Variants in CDKL5 observed in about 807,000 individuals in gnomAD.
CDKL5 encodes cyclin dependent kinase like 5.
CDKL5 carries 8 observed loss-of-function variants against 61.7 expected under a neutral mutation model. That is an observed-to-expected ratio of 0.13 (90% CI 0.08 to 0.23). The LOEUF is 0.23. Among genes scored for constraint, CDKL5 ranks in the 10% least tolerant of loss-of-function variants. The probability of loss-of-function intolerance (pLI) is 1.00; values close to 1 mark genes in which losing one functional copy is unlikely to be tolerated. For missense variants in CDKL5, 440 were observed against 734.5 expected (o/e 0.60, Z 4.63); for synonymous variants, 275 against 272.3 (o/e 1.01, Z -0.10).
At chrX:18,445,525 T>G (rs1327803399) in intron 1 of CDKL5, among the ~76,000 whole-genome samples, 1 of 112,144 alleles carries the variant, frequency 8.9e-6, no homozygotes, top group East Asian at 2.8e-4. Context: ...TTCAGGCAAC[T>G]GATAATACTT....
In CDKL5 at chrX:18,587,529, C is replaced by T. The variant is rs1414678957; in HGVS notation, c.555-425C>T. ...TCAGTACATAGTAAATTTTAATAGA[C>T]TGAACTCATAAAATGGATAAGATGT... On this transcript the variant is annotated intron_variant, in intron 8 of 17. Transcript: ENST00000623535. 3.6e-5 allele frequency among the ~76,000 whole-genome samples: 4 copies of T among 111,905 alleles called. No individual in the cohort carries two copies. The East Asian group carries it at 1.1e-3, about 31-fold the overall frequency.
Position 18,584,404 on chromosome X carries a change from T to A in CDKL5, c.554+51T>A, listed in dbSNP as rs372854990. Reference sequence around the variant, plus strand: ...GACATTTCCACATCTGCTGATTCTATTGTCATTTGCTTTGAGTTCATCTAT... The same window carrying A: ...GACATTTCCACATCTGCTGATTCTAATGTCATTTGCTTTGAGTTCATCTAT... On this transcript the variant is annotated intron_variant, in intron 8 of 17. Coordinates refer to ENST00000623535, the MANE Select transcript of CDKL5 (RefSeq NM_001323289.2). 4.4e-5 allele frequency: 36 copies of A among 814,534 alleles called. No individual in the cohort carries two copies. In the African/African-American group the frequency reaches 5.9e-4, roughly 13 times the overall value. 67.1% of individuals were successfully genotyped at this position (814,534 alleles called of 1,213,427 possible).
At chrX:18,559,683 G>A (rs751381299) in intron 3 of CDKL5, among the ~76,000 whole-genome samples, 1 of 103,122 alleles carries the variant, frequency 9.7e-6, no homozygotes, top group East Asian at 3.1e-4. Context: ...TGCACAATGT[G>A]CAGGTTAGTT....
At chrX:18,597,570 G>C (rs1031321485) in intron 10 of CDKL5, among the ~76,000 whole-genome samples, 1 of 107,556 alleles carries the variant, frequency 9.3e-6, no homozygotes, top group African/African-American at 3.4e-5. Context: ...TAGAGTTGAG[G>C]CTCTTTGCTG....
At chrX:18,494,245 T>C (rs1200571207) in intron 1 of CDKL5, among the ~76,000 whole-genome samples, 1 of 110,225 alleles carries the variant, frequency 9.1e-6, no homozygotes, top group Non-Finnish European at 1.9e-5. Flanking sequence ...GTTTTTCTTT[T>C]TCTTTCTTTC....
chrX:18,431,892 T>C (rs1358093247), intron 1 of CDKL5, among the ~76,000 whole-genome samples: 2 of 94,752 alleles, frequency 2.1e-5, no homozygotes, highest in African/African-American at 8.3e-5. Flanking sequence ...TTTTTAACCT[T>C]ATTTACTTGC....
intron 16 of CDKL5, among the ~76,000 whole-genome samples, chrX:18,624,481 C>T: frequency 8.9e-6 from 1 of 111,950 alleles, no homozygotes. Flanking sequence ...AGTTTAAAAC[C>T]AGGGCTTTTG....
chrX:18,564,403 CCCCCAGGCAACTGGAAT>C, intron 3 of CDKL5, 57 bp from the exon 4 acceptor site: 1 of 683,096 alleles, frequency 1.5e-6, no homozygotes, highest in Non-Finnish European at 2.4e-6. Context: ...CCAGAATATA[CCCCCAGGCAACTGGAAT>C]CCCCAGTCGG....
chrX:18,453,084 C>G (rs1178539313), intron 1 of CDKL5, among the ~76,000 whole-genome samples: 1 of 111,089 alleles, frequency 9.0e-6, no homozygotes, highest in African/African-American at 3.3e-5. Context: ...TCCGCTTCAG[C>G]CTCCCAAAGT....
intron 12 of CDKL5, 29 bp from the exon 13 acceptor site, chrX:18,608,782 T>C (rs1287322980): frequency 1.9e-6 from 2 of 1,036,055 alleles, no homozygotes; most frequent in Admixed American, 2.2e-5. Flanking sequence ...CAGGATGCTC[T>C]TATAAATCCT....
At chrX:18,644,104 C>T (rs948879539), downstream of CDKL5, among the ~76,000 whole-genome samples, 30 of 111,903 alleles carry the variant, frequency 2.7e-4, no homozygotes, top group Non-Finnish European at 1.1e-4. Flanking sequence ...AGACCATACC[C>T]GTGAAGCAAA....
At chrX:18,426,457 C>G (rs1369408632) in intron 1 of CDKL5, 1 of 112,551 alleles carries the variant, frequency 8.9e-6, no homozygotes, top group Non-Finnish European at 1.9e-5. Context: ...ATAACCTGAA[C>G]ATATTTCAGT....
intron 1 of CDKL5, among the ~76,000 whole-genome samples, chrX:18,448,985 G>A (rs1432424092): frequency 9.0e-6 from 1 of 111,716 alleles, no homozygotes; most frequent in Non-Finnish European, 1.9e-5. Flanking sequence ...CTCCTGAGTA[G>A]CTGGGATTAC....
chrX:18,639,668 A>G lies in CDKL5; in HGVS notation c.*10911A>G, dbSNP rs187446783. The stretch of plus-strand genomic sequence containing the variant: ...AAGTATATACCCAAGATAAATGAAA[A>G]CACACATCCGCACAAAAACTTATAC... On this transcript the variant is annotated 3_prime_UTR_variant, in exon 18 of 18. Transcript: ENST00000623535. 3.5e-3 allele frequency among the ~76,000 whole-genome samples: 394 copies of G among 112,373 alleles called. 2 individuals carry two copies. In the Middle Eastern group the frequency reaches 0.046, roughly 13 times the overall value.
intron 1 of CDKL5, among the ~76,000 whole-genome samples, chrX:18,443,027 G>A: frequency 8.9e-6 from 1 of 111,794 alleles, no homozygotes; most frequent in Non-Finnish European, 1.9e-5. Context: ...TTATTTATGT[G>A]TTAGTTTTGC....
Position 18,630,393 on chromosome X carries a change from A to G in CDKL5, c.*1636A>G. On this transcript the variant is annotated 3_prime_UTR_variant, in exon 18 of 18. Coordinates refer to ENST00000623535, the MANE Select transcript of CDKL5 (RefSeq NM_001323289.2). Reference sequence around the variant, plus strand: ...TTGGAATTAGTCTCTGAGCAATAATACTTTTAAAGGTCCCTCCCACCCCTC... The same window carrying G: ...TTGGAATTAGTCTCTGAGCAATAATGCTTTTAAAGGTCCCTCCCACCCCTC... 6 of 752,458 alleles carry G rather than the reference A, an allele frequency of 8.0e-6. No homozygotes were observed. Among genetic ancestry groups the G allele is most frequent in the Non-Finnish European group, 9.4e-6 (6 of 638,089 alleles). 62.0% of individuals were successfully genotyped at this position (752,458 alleles called of 1,213,427 possible). A position where few individuals can be genotyped will look rare whatever the true frequency, so the allele number is the denominator to read the frequency against.
intron 6 of CDKL5, among the ~76,000 whole-genome samples, chrX:18,581,396 G>A (rs1925476609): frequency 8.9e-6 from 1 of 111,811 alleles, no homozygotes; most frequent in South Asian, 3.7e-4. Flanking sequence ...ATGCAGAAAA[G>A]CTAAAGAGAC....
At chrX:18,448,935 A>G (rs1245257854) in intron 1 of CDKL5, among the ~76,000 whole-genome samples, 1 of 111,974 alleles carries the variant, frequency 8.9e-6, no homozygotes, top group Non-Finnish European at 1.9e-5. Flanking sequence ...AGCTCACTGC[A>G]ACCTCTGCCT....
At chrX:18,588,817 G>A (rs1373586414) in intron 9 of CDKL5, 1 of 109,591 alleles carries the variant, frequency 9.1e-6, no homozygotes, top group Non-Finnish European at 1.9e-5. Flanking sequence ...GGGAGGCAGA[G>A]GCAGGAGAAT....
Sources: gnomAD v4.1 joint callset for allele counts (sites outside exome capture counted in the v4.1 genomes callset) on GRCh38, gnomAD v4.1.1 for gene constraint, MANE v1.5 for transcripts, NCBI Gene and HGNC (gene_info 2026-07-23, HGNC 2026-07-21) for gene names.